MIPOL1: variants seen among roughly 807,000 people sequenced by gnomAD.
MIPOL1 encodes mirror-image polydactyly 1.
Under a neutral mutation model 60.9 loss-of-function variants are expected in MIPOL1, and 57 were observed. The ratio of observed to expected loss-of-function variants is 0.94; its 90% CI spans 0.76 to 1.17. The LOEUF is 1.17. Among genes scored for constraint, MIPOL1 ranks in the 50% most tolerant of loss-of-function variants. MIPOL1 has a pLI of 0.00. For synonymous variants in MIPOL1, 179 were observed against 168.8 expected (o/e 1.06, Z -0.47); for missense variants, 551 against 511.6 (o/e 1.08, Z -0.74).
At chr14:37,303,000 C>A (rs2086450527) in intron 7 of MIPOL1, among the ~76,000 whole-genome samples, 1 of 151,638 alleles carries the variant, frequency 6.6e-6, no homozygotes, top group Non-Finnish European at 1.5e-5. Context: ...TATCAGGCAC[C>A]AAACAGTGGT....
intron 11 of MIPOL1, among the ~76,000 whole-genome samples, chr14:37,475,615 T>C (rs896731045): frequency 2.6e-5 from 4 of 152,214 alleles, no homozygotes; most frequent in African/African-American, 9.7e-5. Context: ...GCAAGGTCTT[T>C]GTCTAGATTC....
At chr14:37,323,596 T>G (rs2088838372) in intron 9 of MIPOL1, among the ~76,000 whole-genome samples, 1 of 152,058 alleles carries the variant, frequency 6.6e-6, no homozygotes, top group Non-Finnish European at 1.5e-5. Flanking sequence ...TTTTATTTGC[T>G]CACAATTTTG....
At chr14:37,262,445 A>G (rs2082578633) in intron 3 of MIPOL1, among the ~76,000 whole-genome samples, 1 of 152,262 alleles carries the variant, frequency 6.6e-6, no homozygotes, top group Non-Finnish European at 1.5e-5. Context: ...GTTTTTATAT[A>G]ATATGGTGAT....
chr14:37,504,699 G>A (rs140378892), intron 12 of MIPOL1: 29 of 152,060 alleles, frequency 1.9e-4, no homozygotes, highest in African/African-American at 7.0e-4. Flanking sequence ...TAAAAGAACT[G>A]AGAAGCAAGA....
At chr14:37,495,286 C>A (rs2095107059) in intron 11 of MIPOL1, among the ~76,000 whole-genome samples, 1 of 110,570 alleles carries the variant, frequency 9.0e-6, no homozygotes, top group Admixed American at 1.0e-4. Flanking sequence ...CCCCCTCCCC[C>A]CACCCCACCA....
intron 1 of MIPOL1, among the ~76,000 whole-genome samples, chr14:37,223,909 A>G (rs1422037800): frequency 6.6e-6 from 1 of 152,220 alleles, no homozygotes; most frequent in African/African-American, 2.4e-5. Flanking sequence ...GTTTTTACAG[A>G]TGGTAACTGC....
intron 11 of MIPOL1, among the ~76,000 whole-genome samples, chr14:37,497,714 G>C (rs1209081750): frequency 6.6e-6 from 1 of 152,144 alleles, no homozygotes; most frequent in African/African-American, 2.4e-5. Flanking sequence ...ACAATACGAA[G>C]AGAATGAAAC....
At chr14:37,200,893 TGTGTG>T (rs1965198458) in intron 1 of MIPOL1, among the ~76,000 whole-genome samples, 2 of 76,808 alleles carry the variant, frequency 2.6e-5, no homozygotes, top group African/African-American at 7.8e-5. Flanking sequence ...TGTGTGTGTG[TGTGTG>T]TATTTTTTTT....
At position 37,285,269 on chromosome 14, in the gene MIPOL1, T is replaced by G. The variant is rs766849810; in HGVS notation, c.494-49T>G. ...TTTTATTTTTGCTAAAGGTATACAT[T>G]TGTCCTTTATTTTGTATGATTGATT... On this transcript the variant is annotated intron_variant, in intron 6 of 12. Transcript: ENST00000684589. 3 of 1,608,404 alleles carry G rather than the reference T, an allele frequency of 1.9e-6. No homozygotes were observed. The Admixed American group carries it at 5.0e-5, about 27-fold the overall frequency.
At chr14:37,428,481 G>A (rs558240247) in intron 11 of MIPOL1, among the ~76,000 whole-genome samples, 26 of 151,988 alleles carry the variant, frequency 1.7e-4, no homozygotes, top group African/African-American at 5.8e-4. Flanking sequence ...CCAGCTACTC[G>A]GGAGGCTGAG....
Position 37,418,621 on chromosome 14 carries a change from T to C in MIPOL1, c.937-4234T>C, listed in dbSNP as rs541637439. ...AAGAAAATATGTATTTTGGAACAAATGGGTCTGAATTTCTATTTGAGTTCA... is the reference window on the plus strand; with the variant it reads ...AAGAAAATATGTATTTTGGAACAAACGGGTCTGAATTTCTATTTGAGTTCA... On this transcript the variant is annotated intron_variant, in intron 10 of 12. Transcript: ENST00000684589. 4.7e-3 allele frequency among the ~76,000 whole-genome samples: 711 copies of C among 152,218 alleles called. 4 individuals carry two copies. Among genetic ancestry groups the C allele is most frequent in the African/African-American group, 0.015 (631 of 41,566 alleles).
At chr14:37,315,022 CAAAT>C (rs3061936) in intron 9 of MIPOL1, among the ~76,000 whole-genome samples, 12,898 of 152,024 alleles carry the variant, frequency 0.085, 826 homozygotes, top group East Asian at 0.32. Context: ...AGTGAACAAA[CAAAT>C]AAATAAAGTA....
chr14:37,203,335 C>G (rs1166789256), intron 1 of MIPOL1, among the ~76,000 whole-genome samples: 2 of 152,136 alleles, frequency 1.3e-5, no homozygotes, highest in East Asian at 1.9e-4. Context: ...TGAAGTATCT[C>G]TAATCTCTGG....
At chr14:37,367,145 A>G (rs577017835) in intron 9 of MIPOL1, among the ~76,000 whole-genome samples, 15 of 152,176 alleles carry the variant, frequency 9.9e-5, no homozygotes, top group Admixed American at 2.6e-4. Flanking sequence ...TTAATATACT[A>G]TGCCACTTCC....
chr14:37,314,029 T>C lies in MIPOL1; in HGVS notation c.828+5510T>C, dbSNP rs571019702. 2.6e-5 allele frequency among the ~76,000 whole-genome samples: 4 copies of C among 152,332 alleles called. No homozygotes were observed. In the East Asian group the frequency reaches 7.7e-4, roughly 29 times the overall value. On this transcript the variant is annotated intron_variant, in intron 9 of 12. Transcript: ENST00000684589. ...TGTTTTCTGAACACTATATGGAGAA[T>C]CTGAACTCATCACTATTTTCTAGAA...
At chr14:37,429,785 G>A (rs1415770132) in intron 11 of MIPOL1, among the ~76,000 whole-genome samples, 1 of 151,914 alleles carries the variant, frequency 6.6e-6, no homozygotes, top group Non-Finnish European at 1.5e-5. Context: ...TGTATATACT[G>A]TCCTTAACAG....
intron 9 of MIPOL1, among the ~76,000 whole-genome samples, chr14:37,328,028 T>C (rs1344895716): frequency 7.0e-6 from 1 of 142,280 alleles, no homozygotes; most frequent in Non-Finnish European, 1.6e-5. Context: ...TTCTTTTTTT[T>C]TGAGACAGAG....
intron 9 of MIPOL1, among the ~76,000 whole-genome samples, chr14:37,346,990 C>T (rs2090991261): frequency 6.6e-6 from 1 of 152,052 alleles, no homozygotes; most frequent in African/African-American, 2.4e-5. Flanking sequence ...TGAGAAGCCA[C>T]AAAGTCATTA....
At chr14:37,241,142 A>G (rs1036940923) in intron 1 of MIPOL1, among the ~76,000 whole-genome samples, 9 of 152,118 alleles carry the variant, frequency 5.9e-5, no homozygotes, top group Non-Finnish European at 1.2e-4. Context: ...ACTGAGCTTG[A>G]GCCCCAAAAG....
Sources: gnomAD v4.1 joint callset for allele counts (sites outside exome capture counted in the v4.1 genomes callset) on GRCh38, gnomAD v4.1.1 for gene constraint, MANE v1.5 for transcripts, NCBI Gene and HGNC (gene_info 2026-07-23, HGNC 2026-07-21) for gene names.